Variants in EYS observed in about 807,000 individuals in gnomAD.
EYS encodes the protein EGF-like photoreceptor maintenance factor, also known as protein eyes shut homolog.
A neutral mutation model predicts 282.1 loss-of-function variants in EYS; 250 were observed. The observed-to-expected ratio is 0.89, with a 90% CI of 0.80 to 0.98. EYS has a LOEUF of 0.98. EYS is among the 50% of genes least tolerant of loss of function. The probability of loss-of-function intolerance (pLI) is 0.00; values close to 1 mark genes in which losing one functional copy is unlikely to be tolerated. For synonymous variants in EYS, 1,355 were observed against 1,282.9 expected, an observed-to-expected ratio of 1.06 and a Z score of -1.20; for missense variants, 4,016 against 3,709.0, an observed-to-expected ratio of 1.08 and a Z score of -2.15.
At chr6:64,778,907 C>T (rs545098874) in intron 22 of EYS, among the ~76,000 whole-genome samples, 18 of 152,202 alleles carry the variant, frequency 1.2e-4, no homozygotes, top group Non-Finnish European at 1.3e-4. Flanking sequence ...TAGCTATCCA[C>T]GCTATTTGTC....
rs538897658 is a variant in EYS at position 64,717,140 on chromosome 6, G to A, written c.3444-90895C>T. ...GTGCATAGTGTGAGAAAAAGGTATA[G>A]ATGGAAGTGGTAAATAAAATAATGA... On this transcript the variant is annotated intron_variant, in intron 22 of 42. Transcript: ENST00000503581. Among the ~76,000 whole-genome samples, 14 of 152,272 alleles carry A rather than the reference G, an allele frequency of 9.2e-5. No individual in the cohort carries two copies. The South Asian group carries it at 2.9e-3, about 32-fold the overall frequency.
intron 31 of EYS, among the ~76,000 whole-genome samples, chr6:64,197,856 C>T (rs918699715): frequency 5.9e-5 from 9 of 151,500 alleles, no homozygotes; most frequent in African/African-American, 9.7e-5. Flanking sequence ...AAACATCTTA[C>T]GGCTGGGCTT....
At chr6:64,703,163 T>C (rs992934190) in intron 22 of EYS, among the ~76,000 whole-genome samples, 5 of 151,804 alleles carry the variant, frequency 3.3e-5, no homozygotes, top group African/African-American at 1.2e-4. Context: ...ATTAACTCTA[T>C]TACTCACGGC....
At chr6:64,410,492 A>G (rs1282941985) in intron 28 of EYS, among the ~76,000 whole-genome samples, 2 of 152,154 alleles carry the variant, frequency 1.3e-5, no homozygotes, top group Admixed American at 1.3e-4. Context: ...AAAGATGGCT[A>G]ATAATCACTG....
At chr6:63,743,846 A>C (rs980558826) in intron 41 of EYS, among the ~76,000 whole-genome samples, 4 of 152,164 alleles carry the variant, frequency 2.6e-5, no homozygotes, top group Non-Finnish European at 4.4e-5. Flanking sequence ...AACCAACCAA[A>C]CAAACAAAAT....
At chr6:63,988,513 G>C (rs1767469277) in intron 34 of EYS, among the ~76,000 whole-genome samples, 1 of 151,638 alleles carries the variant, frequency 6.6e-6, no homozygotes, top group Non-Finnish European at 1.5e-5. Flanking sequence ...GTCTAAAAAA[G>C]CAGATGTTGT....
At chr6:65,605,568 A>G (rs1765758037) in intron 2 of EYS, among the ~76,000 whole-genome samples, 1 of 151,944 alleles carries the variant, frequency 6.6e-6, no homozygotes, top group South Asian at 2.1e-4. Context: ...TTCATAAAAC[A>G]TTGAAAGACT....
intron 41 of EYS, among the ~76,000 whole-genome samples, chr6:63,730,254 T>G (rs775112867): frequency 8.5e-5 from 13 of 152,244 alleles, no homozygotes; most frequent in Non-Finnish European, 1.9e-4. Context: ...TATCAACTCT[T>G]GATTAGACCA....
intron 2 of EYS, among the ~76,000 whole-genome samples, chr6:65,520,449 G>A (rs537275357): frequency 1.8e-4 from 27 of 152,170 alleles, no homozygotes; most frequent in Admixed American, 1.8e-3. Context: ...TAGGCCTTGT[G>A]CTGGACACTA....
At chr6:63,891,473 C>A (rs1237122289) in intron 35 of EYS, among the ~76,000 whole-genome samples, 2 of 152,040 alleles carry the variant, frequency 1.3e-5, no homozygotes, top group Non-Finnish European at 2.9e-5. Context: ...TAAACAGAAC[C>A]AATGAAAAAA....
chr6:65,244,916 T>G (rs1016447561), intron 12 of EYS, among the ~76,000 whole-genome samples: 6 of 152,212 alleles, frequency 3.9e-5, no homozygotes, highest in African/African-American at 1.2e-4. Context: ...ATTTATGATC[T>G]TTAGACACAC....
chr6:64,995,227 T>C (rs779657086), intron 14 of EYS, among the ~76,000 whole-genome samples: 5 of 152,136 alleles, frequency 3.3e-5, no homozygotes, highest in Non-Finnish European at 7.4e-5. Context: ...CCTTGGTTGG[T>C]TACACTTTAT....
rs537216003 is a variant in EYS at position 64,825,459 on chromosome 6, C to T, written c.2993-2637G>A. The stretch of plus-strand genomic sequence containing the variant: ...TTCAAATATTTGTTAAAAAATAAAT[C>T]CTTGTCATATACGTGTGTGTGGGTT... On this transcript the variant is annotated intron_variant, in intron 19 of 42. Transcript: ENST00000503581. Among the ~76,000 whole-genome samples, 241 of 151,858 alleles carry T rather than the reference C, an allele frequency of 1.6e-3. 1 individual carries two copies. Among genetic ancestry groups the T allele is most frequent in the Non-Finnish European group, 2.7e-3 (183 of 67,882 alleles).
intron 13 of EYS, among the ~76,000 whole-genome samples, chr6:65,006,866 A>G (rs1583389443): frequency 6.6e-6 from 1 of 152,230 alleles, no homozygotes; most frequent in East Asian, 1.9e-4. Context: ...TAAAGTACTT[A>G]CAGAATCAAA....
intron 29 of EYS, among the ~76,000 whole-genome samples, chr6:64,374,744 A>G (rs1231191532): frequency 6.6e-6 from 1 of 152,158 alleles, no homozygotes; most frequent in Non-Finnish European, 1.5e-5. Context: ...TTATGCTTTT[A>G]TGTTTGGGAG....
chr6:64,380,230 T>C (rs1206415759), intron 29 of EYS, among the ~76,000 whole-genome samples: 4 of 152,176 alleles, frequency 2.6e-5, no homozygotes, highest in Non-Finnish European at 4.4e-5. Flanking sequence ...AATAACTATA[T>C]GCTTGAAACA....
At chr6:64,908,136 C>G (rs1247227246) in intron 16 of EYS, among the ~76,000 whole-genome samples, 3 of 152,146 alleles carry the variant, frequency 2.0e-5, no homozygotes, top group Non-Finnish European at 4.4e-5. Context: ...TTTCTCAGCC[C>G]GTTTGGCAGA....
chr6:64,665,233 A>G (rs1435267654), intron 22 of EYS, among the ~76,000 whole-genome samples: 1 of 152,246 alleles, frequency 6.6e-6, no homozygotes, highest in Non-Finnish European at 1.5e-5. Flanking sequence ...TGTGTTTTAA[A>G]TAACATAGTA....
Position 64,382,923 on chromosome 6 carries a change from T to C in EYS, c.6078+5767A>G, listed in dbSNP as rs116259346. The stretch of plus-strand genomic sequence containing the variant: ...GGTGGGAAAAGAGGTTTCCTTCTGT[T>C]GGGTAGGAGCCAGTTTCTGCTGCTC... On this transcript the variant is annotated intron_variant, in intron 29 of 42. Transcript: ENST00000503581. 4.6e-3 allele frequency among the ~76,000 whole-genome samples: 706 copies of C among 152,180 alleles called. 5 individuals are homozygous for C. The highest frequency in any genetic ancestry group is 0.016 in the African/African-American group (656 of 41,530).
Sources: allele counts gnomAD v4.1 joint callset (sites outside exome capture counted in the v4.1 genomes callset), GRCh38; gene constraint gnomAD v4.1.1; transcripts MANE v1.5; gene names NCBI Gene and HGNC (gene_info 2026-07-23, HGNC 2026-07-21).